CNTRL: variants seen among roughly 807,000 people sequenced by gnomAD.
The protein encoded by CNTRL is centriolin, also known as 110 kDa centrosomal protein.
CNTRL carries 233 observed loss-of-function variants against 303.7 expected under a neutral mutation model. The observed-to-expected ratio is 0.77, with a 90% confidence interval of 0.69 to 0.86. The LOEUF is 0.86. CNTRL is among the 40% of genes least tolerant of loss of function. The pLI, the probability that CNTRL is intolerant of heterozygous loss-of-function variation, is 0.00. For missense variants in CNTRL, 2,524 were observed against 2,650.6 expected (o/e 0.95, Z 1.05); for synonymous variants, 900 against 922.2 (o/e 0.98, Z 0.44).
At chr9:121,083,887 T>A (rs752692278) in intron 2 of CNTRL, among the ~76,000 whole-genome samples, 14 of 152,228 alleles carry the variant, frequency 9.2e-5, no homozygotes, top group Non-Finnish European at 1.8e-4. Context: ...ACCACTGTCA[T>A]GTATGTGGTC....
intron 4 of CNTRL, among the ~76,000 whole-genome samples, chr9:121,094,222 G>A (rs1205027836): frequency 6.7e-6 from 1 of 149,842 alleles, no homozygotes; most frequent in Non-Finnish European, 1.5e-5. Flanking sequence ...AATTTATAAA[G>A]AGTAAAGATT....
rs149916367 is a variant in CNTRL at position 121,142,212 on chromosome 9, A to G, written c.2813A>G (p.Gln938Arg). Residue 938 changes from glutamine to arginine, a missense_variant, in exon 19 of 44, where the codon CAG becomes CGG. By Grantham distance (43) the Gln-to-Arg change is conservative. Coordinates refer to ENST00000373855, the MANE Select transcript of CNTRL (RefSeq NM_007018.6). ...EIQGLTDLQLQEADEEKERIL... is the reference protein window; with the variant it reads ...EIQGLTDLQLREADEEKERIL... Reference sequence around the variant, plus strand: ...CAAGGCCTTACAGATCTCCAACTTCAGGAAGCTGATGAAGAGAAGGAGAGA... The same window carrying G: ...CAAGGCCTTACAGATCTCCAACTTCGGGAAGCTGATGAAGAGAAGGAGAGA... The G allele has an allele frequency of 6.2e-7, 1 of 1,612,400 alleles. No homozygotes were observed. The highest frequency in any genetic ancestry group is 1.3e-5 in the African/African-American group (1 of 74,892).
At chr9:121,116,561 G>C in intron 11 of CNTRL, among the ~76,000 whole-genome samples, 1 of 152,020 alleles carries the variant, frequency 6.6e-6, no homozygotes, top group East Asian at 1.9e-4. Context: ...AGGCTCAAGC[G>C]ATCTGCCCGT....
At chr9:121,140,178 A>G (rs1208207579) in intron 16 of CNTRL, among the ~76,000 whole-genome samples, 2 of 152,200 alleles carry the variant, frequency 1.3e-5, no homozygotes, top group African/African-American at 4.8e-5. Flanking sequence ...TATGTGGCCC[A>G]GCATAGACCC....
At chr9:121,133,049 G>A (rs1056832490) in intron 14 of CNTRL, among the ~76,000 whole-genome samples, 5 of 152,202 alleles carry the variant, frequency 3.3e-5, no homozygotes, top group African/African-American at 1.2e-4. Flanking sequence ...TGATGTGTCA[G>A]TTGGCCCCTA....
At chr9:121,138,519 C>T in intron 15 of CNTRL, 26 bp from the exon 16 acceptor site, 2 of 1,604,798 alleles carry the variant, frequency 1.2e-6, no homozygotes, top group East Asian at 2.2e-5. Context: ...TTTACACTTT[C>T]ATGTCATTGC....
At position 121,148,689 on chromosome 9, in the gene CNTRL, C is replaced by G; in HGVS notation, c.3477C>G (p.Ser1159=). ...PPSSKVSSHS[S]QATKDSGVGL... Reference sequence around the variant, plus strand: ...TGTTTTAGGTTTCCAGCCATAGTTCCCAGGCCACCAAGGACTCTGGTGTTG... The same window carrying G: ...TGTTTTAGGTTTCCAGCCATAGTTCGCAGGCCACCAAGGACTCTGGTGTTG... The change falls in exon 24 of 44, where the codon TCC becomes TCG. Residue 1159 remains serine, a synonymous_variant. Coordinates refer to ENST00000373855, the MANE Select transcript of CNTRL (RefSeq NM_007018.6). 6.2e-7 allele frequency: 1 copy of G among 1,613,308 alleles called. No homozygotes were observed. Among genetic ancestry groups the G allele is most frequent in the Non-Finnish European group, 8.5e-7 (1 of 1,179,404 alleles).
rs115532340 is a variant in CNTRL at position 121,135,231 on chromosome 9, C to T, written c.2026-575C>T. Among the ~76,000 whole-genome samples the T allele has an allele frequency of 8.7e-3, 1,317 of 152,232 alleles. 24 individuals are homozygous for T. Among genetic ancestry groups the T allele is most frequent in the African/African-American group, 0.03 (1,240 of 41,538 alleles). ...TATCATCCTTAATATTAGAGAGTGCCGGTCCCATTTTGTTCTTCTGATAAA... is the reference window on the plus strand; with the variant it reads ...TATCATCCTTAATATTAGAGAGTGCTGGTCCCATTTTGTTCTTCTGATAAA... On this transcript the variant is annotated intron_variant, in intron 14 of 43. Transcript: ENST00000373855.
intron 40 of CNTRL, 22 bp from the exon 41 acceptor site, chr9:121,173,221 T>C (rs1444890872): frequency 1.9e-6 from 3 of 1,587,310 alleles, no homozygotes; most frequent in East Asian, 2.2e-5. Flanking sequence ...ACAATGATAT[T>C]TGACACCAAC....
At chr9:121,100,166 C>T (rs1458493473) in intron 7 of CNTRL, among the ~76,000 whole-genome samples, 3 of 152,174 alleles carry the variant, frequency 2.0e-5, no homozygotes, top group South Asian at 4.1e-4. Flanking sequence ...AGAGAAAGGT[C>T]GGGTTACCCA....
rs150355753 is a variant in CNTRL at position 121,112,487 on chromosome 9, G to A, written c.1031G>A (p.Arg344Gln). The change falls in exon 9 of 44, where the codon CGA becomes CAA. Residue 344 changes from arginine (R) to glutamine (Q), a missense_variant. Physicochemically the swap from Arg to Gln is conservative, Grantham distance 43. Coordinates refer to ENST00000373855, the MANE Select transcript of CNTRL (RefSeq NM_007018.6). ...AAACAGAAGACCATAGAATTAACACGAGCATGTCAGAAGCAATATGAGCTG... is the reference window on the plus strand; with the variant it reads ...AAACAGAAGACCATAGAATTAACACAAGCATGTCAGAAGCAATATGAGCTG... ...LLKQKTIELT[R>Q]ACQKQYELEQ... 60 of 1,612,604 alleles carry A rather than the reference G, an allele frequency of 3.7e-5. No homozygotes were observed. The highest frequency in any genetic ancestry group is 1.2e-4 in the African/African-American group (9 of 74,832).
chr9:121,152,705 A>AT lies in CNTRL; in HGVS notation c.4172+18dup, dbSNP rs1445351747. ...CGTCAACAGCAAAAGTAATTAATAT[A>AT]TTTTTTATAATTCAGACAAATACGA... is the stretch of plus-strand genomic sequence containing the variant. On this transcript the variant is annotated intron_variant, in intron 26 of 43. Coordinates refer to ENST00000373855, the MANE Select transcript of CNTRL (RefSeq NM_007018.6). The AT allele has an allele frequency of 1.9e-6, 3 of 1,554,610 alleles. No homozygotes were observed. The highest frequency in any genetic ancestry group is 1.7e-5 in the Admixed American group (1 of 57,894).
At chr9:121,164,438 A>C (rs1215980956) in intron 34 of CNTRL, among the ~76,000 whole-genome samples, 1 of 152,258 alleles carries the variant, frequency 6.6e-6, no homozygotes, top group Non-Finnish European at 1.5e-5. Flanking sequence ...AAATTGTGGT[A>C]TATCCACACT....
chr9:121,135,825 G>C lies in CNTRL; in HGVS notation c.2045G>C (p.Ser682Thr). 1 of 1,612,686 alleles carries C rather than the reference G, an allele frequency of 6.2e-7. No individual in the cohort carries two copies. The highest frequency in any genetic ancestry group is 1.3e-5 in the African/African-American group (1 of 74,976). Residue 682 changes from serine (S) to threonine (T), a missense_variant, in exon 15 of 44, where the codon AGT becomes ACT. Ser to Thr is a moderately conservative substitution (Grantham distance 58, BLOSUM62 1). Transcript: ENST00000373855. Reference protein sequence around the residue: ...NMRKELAELESALQEQHEVNA... With the variant: ...NMRKELAELETALQEQHEVNA... ...TTCTAGGAGCTTGCAGAGCTAGAAA[G>C]TGCCCTCCAAGAGCAGCATGAGGTG...
rs532841366 is a variant in CNTRL at position 121,104,011 on chromosome 9, C to A, written c.809-3791C>A. Among the ~76,000 whole-genome samples the A allele has an allele frequency of 1.6e-3, 245 of 152,296 alleles. 6 individuals carry two copies. The highest frequency in any genetic ancestry group is 3.4e-3 in the Middle Eastern group (1 of 294). On this transcript the variant is annotated intron_variant, in intron 7 of 43. Transcript: ENST00000373855. Reference sequence around the variant, plus strand: ...AACTAGAAATACCATTTGACCCAGCCATCCCATTACTGGGTATATACCCAA... The same window carrying A: ...AACTAGAAATACCATTTGACCCAGCAATCCCATTACTGGGTATATACCCAA...
At chr9:121,167,957 C>T (rs747015769) in intron 37 of CNTRL, 139 bp from the exon 38 acceptor site, 3 of 781,918 alleles carry the variant, frequency 3.8e-6, no homozygotes, top group Non-Finnish European at 6.0e-6. Context: ...CCCAAGCCCT[C>T]TTGATCACCT....
intron 25 of CNTRL, 29 bp from the exon 26 acceptor site, chr9:121,152,456 C>A: frequency 6.4e-7 from 1 of 1,553,414 alleles, no homozygotes; most frequent in Non-Finnish European, 8.9e-7. Context: ...GATGTTTCAG[C>A]ACTGCATTTT....
rs748156352 is a variant in CNTRL, at chr9:121,115,085, T to G, written c.1346-6T>G. The stretch of plus-strand genomic sequence containing the variant: ...TATTATGTGAGCATGGTTTTTAAAT[T>G]TGCAGCACAAACTCGACTATCAGAA... On this transcript the variant is annotated splice_region_variant and splice_polypyrimidine_tract_variant and intron_variant, in intron 10 of 43. Coordinates refer to ENST00000373855, the MANE Select transcript of CNTRL (RefSeq NM_007018.6). 6.4e-7 allele frequency: 1 copy of G among 1,555,844 alleles called. No homozygotes were observed. The highest frequency in any genetic ancestry group is 8.7e-7 in the Non-Finnish European group (1 of 1,146,008).
chr9:121,127,129 G>A (rs1402752832), intron 14 of CNTRL, among the ~76,000 whole-genome samples: 3 of 152,032 alleles, frequency 2.0e-5, no homozygotes, highest in Non-Finnish European at 4.4e-5. Context: ...CTATGTTTTC[G>A]AGAATTATGC....
Sources: gnomAD v4.1 joint callset for allele counts (sites outside exome capture counted in the v4.1 genomes callset) on GRCh38, gnomAD v4.1.1 for gene constraint, MANE v1.5 for transcripts, NCBI Gene and HGNC (gene_info 2026-07-23, HGNC 2026-07-21) for gene names.